MKLN1: variants seen among roughly 807,000 people sequenced by gnomAD.
MKLN1 encodes the protein muskelin.
A neutral mutation model predicts 99.0 loss-of-function variants in MKLN1; 18 were observed. The observed-to-expected ratio is 0.18, with a 90% CI of 0.13 to 0.27. MKLN1 has a LOEUF of 0.27. Ranked by LOEUF, MKLN1 falls within the 10% of genes least tolerant of loss-of-function variation. The pLI, the probability that MKLN1 is intolerant of heterozygous loss-of-function variation, is 1.00. For synonymous variants in MKLN1, 288 were observed against 293.2 expected (o/e 0.98, Z 0.18); for missense variants, 621 against 875.9 (o/e 0.71, Z 3.67).
At chr7:131,212,298 G>T (rs1319495925) in intron 3 of MKLN1, among the ~76,000 whole-genome samples, 1 of 152,224 alleles carries the variant, frequency 6.6e-6, no homozygotes, top group Non-Finnish European at 1.5e-5. Context: ...GAGGCAGAGG[G>T]ATAGGACCAT....
intron 1 of MKLN1, among the ~76,000 whole-genome samples, chr7:131,370,702 C>CTAA (rs1800322552): frequency 6.6e-6 from 1 of 152,042 alleles, no homozygotes; most frequent in Admixed American, 6.6e-5. Flanking sequence ...TTCTTCTCAC[C>CTAA]TTTAGGGCAG....
At chr7:131,254,064 G>A (rs1797621420) in intron 3 of MKLN1, among the ~76,000 whole-genome samples, 2 of 152,122 alleles carry the variant, frequency 1.3e-5, no homozygotes, top group Admixed American at 1.3e-4. Context: ...GCAACTAGAG[G>A]AGCCTAACAC....
At chr7:131,291,755 G>C (rs1242331469) in intron 3 of MKLN1, among the ~76,000 whole-genome samples, 2 of 134,024 alleles carry the variant, frequency 1.5e-5, no homozygotes, top group African/African-American at 5.7e-5. Flanking sequence ...GAGTTAGTTG[G>C]AGTAGTCACA....
chr7:131,352,167 T>G (rs1799739802), intron 1 of MKLN1, among the ~76,000 whole-genome samples: 1 of 152,232 alleles, frequency 6.6e-6, no homozygotes, highest in Non-Finnish European at 1.5e-5. Flanking sequence ...CATTGTGTTT[T>G]AAATGACTTC....
chr7:131,330,985 CTT>C (rs766164155), intron 1 of MKLN1, among the ~76,000 whole-genome samples: 1 of 152,066 alleles, frequency 6.6e-6, no homozygotes. Flanking sequence ...ATTAAATACA[CTT>C]ATTTAAATAA....
At chr7:131,290,302 G>A (rs1013407232) in intron 3 of MKLN1, among the ~76,000 whole-genome samples, 4 of 152,144 alleles carry the variant, frequency 2.6e-5, no homozygotes, top group Non-Finnish European at 5.9e-5. Flanking sequence ...GTGAAATTCC[G>A]TCTCAAACAG....
At chr7:131,122,773 GTACTT>G (rs1795392045) in intron 1 of MKLN1, among the ~76,000 whole-genome samples, 2 of 152,008 alleles carry the variant, frequency 1.3e-5, no homozygotes, top group Admixed American at 1.3e-4. Flanking sequence ...TGTAATCCCA[GTACTT>G]TGAGAGGCCG....
intron 1 of MKLN1, among the ~76,000 whole-genome samples, chr7:131,116,978 C>G (rs1409121847): frequency 6.6e-6 from 1 of 152,020 alleles, no homozygotes. Flanking sequence ...TGTACAAAGC[C>G]TTTACCCTGG....
At chr7:131,240,542 A>G (rs1797387813) in intron 3 of MKLN1, among the ~76,000 whole-genome samples, 1 of 152,244 alleles carries the variant, frequency 6.6e-6, no homozygotes, top group East Asian at 1.9e-4. Flanking sequence ...GGAAATAGGA[A>G]CATTGATATT....
Position 131,435,328 on chromosome 7 carries a change from A to C in MKLN1, c.961-2457A>C, listed in dbSNP as rs149162592. On this transcript the variant is annotated intron_variant, in intron 9 of 17. Coordinates refer to ENST00000352689, the MANE Select transcript of MKLN1 (RefSeq NM_013255.5). Reference sequence around the variant, plus strand: ...CTAGCCATCTGTAAATGATTTCTCCACCTCTTCCCCATTTCTTCCTCCTTC... The same window carrying C: ...CTAGCCATCTGTAAATGATTTCTCCCCCTCTTCCCCATTTCTTCCTCCTTC... Among the ~76,000 whole-genome samples the C allele has an allele frequency of 2.5e-3, 381 of 151,996 alleles. 3 individuals carry two copies. The highest frequency in any genetic ancestry group is 8.7e-3 in the African/African-American group (360 of 41,450).
chr7:131,122,808 T>A (rs1447610781), intron 1 of MKLN1, among the ~76,000 whole-genome samples: 1 of 151,430 alleles, frequency 6.6e-6, no homozygotes, highest in Non-Finnish European at 1.5e-5. Flanking sequence ...GATCACGAGG[T>A]CGGGAGATGG....
At chr7:131,123,394 C>T (rs533421419) in intron 1 of MKLN1, among the ~76,000 whole-genome samples, 1 of 152,272 alleles carries the variant, frequency 6.6e-6, no homozygotes, top group South Asian at 2.1e-4. Context: ...TGGCCATATT[C>T]CAATAAAATG....
chr7:131,490,796 G>C lies in MKLN1; in HGVS notation c.*3068G>C, dbSNP rs1448547402. On this transcript the variant is annotated 3_prime_UTR_variant, in exon 18 of 18. Transcript: ENST00000352689. ...TTATATTGTATATAAATGGTTGGCA[G>C]CTTATTCCAGTTGATCTCTTCACAT... is the stretch of plus-strand genomic sequence containing the variant. The C allele has an allele frequency of 6.6e-6, 1 of 152,574 alleles. No individual in the cohort carries two copies. Among genetic ancestry groups the C allele is most frequent in the African/African-American group, 2.4e-5 (1 of 41,432 alleles). 9.5% of individuals were successfully genotyped at this position (152,574 alleles called of 1,614,324 possible). A position where few individuals can be genotyped will look rare whatever the true frequency, so the allele number is the denominator to read the frequency against.
chr7:131,119,279 C>T (rs1375794913), intron 1 of MKLN1, among the ~76,000 whole-genome samples: 1 of 152,252 alleles, frequency 6.6e-6, no homozygotes, highest in African/African-American at 2.4e-5. Flanking sequence ...TCTCCTTTGA[C>T]TCCATGTCTC....
intron 12 of MKLN1, among the ~76,000 whole-genome samples, chr7:131,447,103 C>G (rs971319701): frequency 1.3e-5 from 2 of 152,094 alleles, no homozygotes; most frequent in South Asian, 4.1e-4. Flanking sequence ...CAGTATTTCC[C>G]TAATCATAAT....
Position 131,493,012 on chromosome 7 carries a change from T to A in MKLN1, c.*5284T>A, listed in dbSNP as rs1439677726. 1 of 152,182 alleles carries A rather than the reference T, an allele frequency of 6.6e-6. No homozygotes were observed. 9.4% of individuals were successfully genotyped at this position (152,182 alleles called of 1,614,324 possible). A position where few individuals can be genotyped will look rare whatever the true frequency, so the allele number is the denominator to read the frequency against. On this transcript the variant is annotated 3_prime_UTR_variant, in exon 18 of 18. Coordinates refer to ENST00000352689, the MANE Select transcript of MKLN1 (RefSeq NM_013255.5). Reference sequence around the variant, plus strand: ...ATGAAAGGGTAGTCCTAGTTTATCTTCTTAATTAGAATCATTATTTGGAAA... The same window carrying A: ...ATGAAAGGGTAGTCCTAGTTTATCTACTTAATTAGAATCATTATTTGGAAA...
At chr7:131,240,295 A>G (rs1023169349) in intron 3 of MKLN1, among the ~76,000 whole-genome samples, 4 of 152,210 alleles carry the variant, frequency 2.6e-5, no homozygotes, top group African/African-American at 7.2e-5. Context: ...AAGGGGAGGT[A>G]ACTCTCCTTA....
intron 10 of MKLN1, among the ~76,000 whole-genome samples, chr7:131,440,794 G>A (rs1011656971): frequency 6.6e-6 from 1 of 151,880 alleles, no homozygotes; most frequent in African/African-American, 2.4e-5. Context: ...TTGAATTCAG[G>A]AACATTTTCC....
At chr7:131,381,816 G>C (rs575958635) in intron 2 of MKLN1, among the ~76,000 whole-genome samples, 1 of 152,062 alleles carries the variant, frequency 6.6e-6, no homozygotes, top group Non-Finnish European at 1.5e-5. Flanking sequence ...CTAACAATCA[G>C]GTTTGTGCCC....
Sources: gnomAD v4.1 joint callset for allele counts (sites outside exome capture counted in the v4.1 genomes callset) on GRCh38, gnomAD v4.1.1 for gene constraint, MANE v1.5 for transcripts, NCBI Gene and HGNC (gene_info 2026-07-23, HGNC 2026-07-21) for gene names.